Variants in EPN1 observed in about 807,000 individuals in gnomAD.
The protein encoded by EPN1 is epsin-1.
Under a neutral mutation model 56.9 loss-of-function variants are expected in EPN1, and 25 were observed. The ratio of observed to expected loss-of-function variants is 0.44; its 90% confidence interval spans 0.32 to 0.61. The LOEUF (loss-of-function observed/expected upper bound fraction) is 0.61. EPN1 is among the 20% of genes least tolerant of loss of function. The pLI is 0.05. For missense variants in EPN1, 785 were observed against 823.7 expected (o/e 0.95, Z 0.58); for synonymous variants, 411 against 361.8 (o/e 1.14, Z -1.54).
chr19:55,693,697 G>T (rs1193467995), intron 9 of EPN1, among the ~76,000 whole-genome samples: 2 of 152,168 alleles, frequency 1.3e-5, no homozygotes, highest in Non-Finnish European at 2.9e-5. Flanking sequence ...TTTATTTTAA[G>T]TGAGCTGTTA....
At chr19:55,693,791 CCCT>C (rs531483732) in intron 9 of EPN1, among the ~76,000 whole-genome samples, 105 of 152,310 alleles carry the variant, frequency 6.9e-4, no homozygotes, top group Non-Finnish European at 1.2e-3. Flanking sequence ...ACCCACGCTT[CCCT>C]CCTCTCATTA....
rs527744675 is a variant in EPN1, at chr19:55,702,380, T to G, written c.*7024T>G. ...CTGTGCCCATTCCCAGGCACCTTCGTGCAGCTGCAGGCATCTCCCCCACGC... is the reference window on the plus strand; with the variant it reads ...CTGTGCCCATTCCCAGGCACCTTCGGGCAGCTGCAGGCATCTCCCCCACGC... On this transcript the variant is annotated 3_prime_UTR_variant, in exon 11 of 11. Coordinates refer to ENST00000270460, the MANE Select transcript of EPN1 (RefSeq NM_001130072.2). The G allele has an allele frequency of 6.6e-6, 1 of 152,456 alleles. No homozygotes were observed. Among genetic ancestry groups the G allele is most frequent in the South Asian group, 2.1e-4 (1 of 4,828 alleles). The allele number at this position is 152,456 out of a possible 1,614,324, so 9.4% of individuals were successfully genotyped here.
chr19:55,682,005 T>C (rs558848795), intron 2 of EPN1, among the ~76,000 whole-genome samples: 2 of 152,268 alleles, frequency 1.3e-5, no homozygotes, highest in African/African-American at 4.8e-5. Context: ...GCAGTCTCAC[T>C]GTGTTGCCCA....
rs183638337 is a variant in EPN1, at chr19:55,691,336, G to T, written c.763-418G>T. ...GAAGGCATGGAGCAGGGGCTGGCCA[G>T]TCTGGCTGGAGAAGGCACGGTGGGC... On this transcript the variant is annotated intron_variant, in intron 6 of 10. Transcript: ENST00000270460. The surrounding 1 kb of genome is among the most constrained non-coding windows in gnomAD (Gnocchi z 5.6). Among the ~76,000 whole-genome samples, 1 of 152,244 alleles carries T rather than the reference G, an allele frequency of 6.6e-6. No homozygotes were observed. Among genetic ancestry groups the T allele is most frequent in the East Asian group, 1.9e-4 (1 of 5,166 alleles).
At position 55,709,009 on chromosome 19, in the gene EPN1, TTC is replaced by T. The variant is rs1258570145; in HGVS notation, c.*13655_*13656del. On this transcript the variant is annotated 3_prime_UTR_variant, in exon 11 of 11. Coordinates refer to ENST00000270460, the MANE Select transcript of EPN1 (RefSeq NM_001130072.2). Reference sequence around the variant, plus strand: ...TTTTTCTTCCACAGACATCAGGATCTTCTGAGTTTCTTCATCAAAGCCAGATT... The same window carrying T: ...TTTTTCTTCCACAGACATCAGGATCTTGAGTTTCTTCATCAAAGCCAGATT... The T allele has an allele frequency of 6.3e-7, 1 of 1,584,244 alleles. No individual in the cohort carries two copies. The highest frequency in any genetic ancestry group is 1.4e-5 in the African/African-American group (1 of 72,954).
At chr19:55,684,080 G>A (rs1333468328) in intron 2 of EPN1, among the ~76,000 whole-genome samples, 2 of 152,088 alleles carry the variant, frequency 1.3e-5, no homozygotes, top group Admixed American at 6.6e-5. Context: ...CCTTTCTTTC[G>A]TGTAAATACC....
rs1986865500 is a variant in EPN1, at chr19:55,695,454, C to T, written c.*98C>T. 2 of 666,906 alleles carry T rather than the reference C, an allele frequency of 3.0e-6. No homozygotes were observed. The highest frequency in any genetic ancestry group is 3.6e-5 in the African/African-American group (2 of 55,210). The allele number at this position is 666,906 out of a possible 1,614,324, so 41.3% of individuals were successfully genotyped here. A position where few individuals can be genotyped will look rare whatever the true frequency, so the allele number is the denominator to read the frequency against. Reference sequence around the variant, plus strand: ...GCATGTGAAATGGGGGATCCCCACCCCCAGTGCCCTTCCCCTTCCTGGGGC... The same window carrying T: ...GCATGTGAAATGGGGGATCCCCACCTCCAGTGCCCTTCCCCTTCCTGGGGC... On this transcript the variant is annotated 3_prime_UTR_variant, in exon 11 of 11. Coordinates refer to ENST00000270460, the MANE Select transcript of EPN1 (RefSeq NM_001130072.2). This position sits in a 1 kb window ranked among gnomAD's most constrained non-coding sequence, Gnocchi z 4.4.
At chr19:55,677,738 G>T (rs1444042267) in intron 1 of EPN1, 1 of 1,536,954 alleles carries the variant, frequency 6.5e-7, no homozygotes, top group Non-Finnish European at 8.8e-7. Flanking sequence ...GCCCTGGGTT[G>T]GTTCCCTGCT....
intron 2 of EPN1, among the ~76,000 whole-genome samples, chr19:55,683,413 G>A (rs1192234356): frequency 6.6e-6 from 1 of 151,974 alleles, no homozygotes; most frequent in South Asian, 2.1e-4. Flanking sequence ...GTACAGTGGC[G>A]TGCTCTTGGC....
rs763613050 is a variant in EPN1 at position 55,689,823 on chromosome 19, G to C, written c.679-44G>C. The C allele has an allele frequency of 2.6e-6, 4 of 1,555,704 alleles. No homozygotes were observed. Among genetic ancestry groups the C allele is most frequent in the Non-Finnish European group, 3.5e-6 (4 of 1,147,238 alleles). On this transcript the variant is annotated intron_variant, in intron 5 of 10. Coordinates refer to ENST00000270460, the MANE Select transcript of EPN1 (RefSeq NM_001130072.2). The surrounding 1 kb of genome is among the most constrained non-coding windows in gnomAD (Gnocchi z 5.7). ...CAGGCTGAGGTGGCATCTGCCCGTG[G>C]CTCACGTTCTCATGTCTCCCTGGTC...
rs1355612461 is a variant in EPN1 at position 55,689,147 on chromosome 19, G to T, written c.604-150G>T. 1 of 1,184,592 alleles carries T rather than the reference G, an allele frequency of 8.4e-7. No individual in the cohort carries two copies. The highest frequency in any genetic ancestry group is 1.2e-6 in the Non-Finnish European group (1 of 851,036). The allele number at this position is 1,184,592 out of a possible 1,614,324, so 73.4% of individuals were successfully genotyped here. On this transcript the variant is annotated intron_variant, in intron 4 of 10. Coordinates refer to ENST00000270460, the MANE Select transcript of EPN1 (RefSeq NM_001130072.2). This position sits in a 1 kb window ranked among gnomAD's most constrained non-coding sequence, Gnocchi z 5.7. ...CCCAGTCCTGCCTCATCCTCACCCCGCCGTCCCTCTGCGTGTCACTCTCTG... is the reference window on the plus strand; with the variant it reads ...CCCAGTCCTGCCTCATCCTCACCCCTCCGTCCCTCTGCGTGTCACTCTCTG...
intron 1 of EPN1, 122 bp from the exon 2 acceptor site, chr19:55,678,405 G>A: frequency 9.7e-7 from 1 of 1,034,530 alleles, no homozygotes; most frequent in Non-Finnish European, 1.4e-6. Context: ...GTTACTTTGA[G>A]ACCTAGAGGT....
rs536525756 is a variant in EPN1 at position 55,691,285 on chromosome 19, G to A, written c.763-469G>A. Among the ~76,000 whole-genome samples, 19 of 152,122 alleles carry A rather than the reference G, an allele frequency of 1.2e-4. No individual in the cohort carries two copies. Among genetic ancestry groups the A allele is most frequent in the Non-Finnish European group, 2.8e-4 (19 of 68,004 alleles). On this transcript the variant is annotated intron_variant, in intron 6 of 10. Coordinates refer to ENST00000270460, the MANE Select transcript of EPN1 (RefSeq NM_001130072.2). This position sits in a 1 kb window ranked among gnomAD's most constrained non-coding sequence, Gnocchi z 5.6. The stretch of plus-strand genomic sequence containing the variant: ...GTGAGGGGTGCTCAGGTTGACCTGA[G>A]TGGGTTCATGGGGGGCTTCCCAGGG...
In EPN1 at chr19:55,706,281, T is replaced by C. The variant is rs1987408370; in HGVS notation, c.*10925T>C. 1.3e-5 allele frequency: 1 copy of C among 79,818 alleles called. No individual in the cohort carries two copies. Among genetic ancestry groups the C allele is most frequent in the African/African-American group, 9.1e-5 (1 of 10,960 alleles). The allele number at this position is 79,818 out of a possible 1,614,324, so 4.9% of individuals were successfully genotyped here. A position where few individuals can be genotyped will look rare whatever the true frequency, so the allele number is the denominator to read the frequency against. The stretch of plus-strand genomic sequence containing the variant: ...TTCTTCCTTTCTTCTCTTTTTCTTC[T>C]TCTTTTTTTTTTTTTTTTAAAAGAC... On this transcript the variant is annotated 3_prime_UTR_variant, in exon 11 of 11. Transcript: ENST00000270460.
rs1406677761 is a variant in EPN1, at chr19:55,701,828, G to A, written c.*6472G>A. 3 of 152,142 alleles carry A rather than the reference G, an allele frequency of 2.0e-5. No homozygotes were observed. Among genetic ancestry groups the A allele is most frequent in the Non-Finnish European group, 4.4e-5 (3 of 68,026 alleles). The allele number at this position is 152,142 out of a possible 1,614,324, so 9.4% of individuals were successfully genotyped here. A position where few individuals can be genotyped will look rare whatever the true frequency, so the allele number is the denominator to read the frequency against. On this transcript the variant is annotated 3_prime_UTR_variant, in exon 11 of 11. Transcript: ENST00000270460. ...GTCCCGAACGGGTTGTGAAGTTGTA[G>A]AAGAAATGTCAGGGGTTTTATAGAT...
chr19:55,689,284 C>A lies in EPN1; in HGVS notation c.604-13C>A. ...CCCCTCCCGTCATGCCCCTCACACT[C>A]TCTCTCCCCCAGCCCCCGTCCTGCG... On this transcript the variant is annotated splice_polypyrimidine_tract_variant and intron_variant, in intron 4 of 10. Coordinates refer to ENST00000270460, the MANE Select transcript of EPN1 (RefSeq NM_001130072.2). The surrounding 1 kb of genome is among the most constrained non-coding windows in gnomAD (Gnocchi z 5.7). The A allele has an allele frequency of 6.5e-7, 1 of 1,544,058 alleles. No individual in the cohort carries two copies. The highest frequency in any genetic ancestry group is 1.7e-4 in the Middle Eastern group (1 of 5,976).
chr19:55,694,767 C>G lies in EPN1; in HGVS notation c.1306C>G (p.Pro436Ala). Residue 436 changes from proline (P) to alanine (A), a missense_variant, in exon 10 of 11, where the codon CCT (proline) becomes GCT (alanine). Pro to Ala is a conservative substitution (Grantham distance 27, BLOSUM62 -1). Transcript: ENST00000270460. This position sits in a 1 kb window ranked among gnomAD's most constrained non-coding sequence, Gnocchi z 4.2. ...GGCAGGAGAGGTGCCGGCCCGAAGC[C>G]CTGGGGCGTTTGACATGAGTGGGGT... ...LLAGEVPARSPGAFDMSGVRG... is the reference protein window; with the variant it reads ...LLAGEVPARSAGAFDMSGVRG... The G allele has an allele frequency of 6.2e-7, 1 of 1,602,904 alleles. No individual in the cohort carries two copies. The highest frequency in any genetic ancestry group is 8.5e-7 in the Non-Finnish European group (1 of 1,173,328).
chr19:55,686,232 G>A (rs3786645), intron 3 of EPN1, among the ~76,000 whole-genome samples: 27 of 152,328 alleles, frequency 1.8e-4, no homozygotes, highest in African/African-American at 3.8e-4. Flanking sequence ...TCTGTCCCAC[G>A]AAACATTTCC....
intron 2 of EPN1, among the ~76,000 whole-genome samples, chr19:55,682,687 C>T (rs925182366): frequency 1.3e-5 from 2 of 152,170 alleles, no homozygotes; most frequent in Non-Finnish European, 1.5e-5. Context: ...CCGACTTTAG[C>T]CTCTCAAAGC....
Sources: gnomAD v4.1 joint callset for allele counts (sites outside exome capture counted in the v4.1 genomes callset) on GRCh38, gnomAD v4.1.1 for gene constraint, Gnocchi (gnomAD v3.1) non-coding constraint, MANE v1.5 for transcripts, NCBI Gene and HGNC (gene_info 2026-07-23, HGNC 2026-07-21) for gene names.